Variants in PARP1 observed in about 807,000 individuals in gnomAD.
PARP1 encodes poly [ADP-ribose] polymerase 1.
Under a neutral mutation model 118.7 loss-of-function variants are expected in PARP1, and 44 were observed. The observed-to-expected ratio is 0.37, with a 90% CI of 0.29 to 0.48. The LOEUF is 0.48. Ranked by LOEUF, PARP1 falls within the 20% of genes least tolerant of loss-of-function variation. The pLI is 0.99. For missense variants in PARP1, 1,100 were observed against 1,272.4 expected, an observed-to-expected ratio of 0.86 and a Z score of 2.06; for synonymous variants, 492 against 483.2, an observed-to-expected ratio of 1.02 and a Z score of -0.24.
At chr1:226,363,813 G>A in intron 20 of PARP1, 130 bp downstream of exon 20, 2 of 948,478 alleles carry the variant, frequency 2.1e-6, no homozygotes, top group Non-Finnish European at 3.4e-6. Flanking sequence ...TATAAGAAAA[G>A]AATCCTAATT....
intron 11 of PARP1, 85 bp from the exon 12 acceptor site, chr1:226,379,359 T>C (rs975610407): frequency 5.2e-6 from 8 of 1,537,534 alleles, no homozygotes; most frequent in Non-Finnish European, 7.2e-6. Flanking sequence ...AGGCCTGAGG[T>C]TCACGCCTCT....
At chr1:226,392,549 T>A (rs1664840092) in intron 2 of PARP1, 1 of 570,466 alleles carries the variant, frequency 1.8e-6, no homozygotes, top group African/African-American at 1.9e-5. Context: ...GAGCAGCATA[T>A]CAGGGGGTGG....
chr1:226,400,889 G>C (rs1034625442), intron 2 of PARP1, among the ~76,000 whole-genome samples: 1 of 152,234 alleles, frequency 6.6e-6, no homozygotes, highest in African/African-American at 2.4e-5. Flanking sequence ...AAGGACTTGC[G>C]TGAGGGCATC....
Position 226,379,637 on chromosome 1 carries a change from G to A in PARP1, c.1548C>T (p.Ile516=), listed in dbSNP as rs1664566056. The A allele has an allele frequency of 1.2e-6, 2 of 1,607,072 alleles. No individual in the cohort carries two copies. Residue 516 remains isoleucine (I), a synonymous_variant, in exon 11 of 23, where the codon ATC becomes ATT. Transcript: ENST00000366794. ...ATTTCATTCTCTTTTCAGATTTGTT[G>A]ATACCTTGGAGGAGAACAGAAAAAT... ...KSKGQVKEEG[I]NKSEKRMKLT... is the part of the protein sequence containing the mutation.
chr1:226,365,785 C>A (rs146042055), intron 18 of PARP1, among the ~76,000 whole-genome samples, 169 bp downstream of exon 18: 120,612 of 147,946 alleles, frequency 0.82, 49,527 homozygotes, highest in South Asian at 0.89. Context: ...AAACAAAAAA[C>A]AAACAAACAA....
intron 20 of PARP1, 111 bp from the exon 21 acceptor site, chr1:226,363,271 A>C: frequency 1.2e-6 from 1 of 805,132 alleles, no homozygotes; most frequent in Non-Finnish European, 2.2e-6. Flanking sequence ...AGTCCACAAA[A>C]CCCAGACCAT....
chr1:226,395,874 G>C (rs1387143760), intron 2 of PARP1, among the ~76,000 whole-genome samples: 1 of 152,216 alleles, frequency 6.6e-6, no homozygotes, highest in Non-Finnish European at 1.5e-5. Context: ...TGCTAGAGTT[G>C]TCAACTTCAC....
chr1:226,407,270 T>G (rs1261780914), intron 1 of PARP1, among the ~76,000 whole-genome samples: 1 of 151,990 alleles, frequency 6.6e-6, no homozygotes, highest in Non-Finnish European at 1.5e-5. Context: ...GTGAATGTAC[T>G]GTACAGAAAT....
chr1:226,379,656 G>GA lies in PARP1; in HGVS notation c.1544-16dup. 1.9e-6 allele frequency: 3 copies of GA among 1,590,330 alleles called. No homozygotes were observed. Among genetic ancestry groups the GA allele is most frequent in the Non-Finnish European group, 2.6e-6 (3 of 1,160,516 alleles). On this transcript the variant is annotated splice_polypyrimidine_tract_variant and intron_variant, in intron 10 of 22. Transcript: ENST00000366794. Reference sequence around the variant, plus strand: ...TTTGTTGATACCTTGGAGGAGAACAGAAAAATGTAAACATGAAGTTAAATG... The same window carrying GA: ...TTTGTTGATACCTTGGAGGAGAACAGAAAAAATGTAAACATGAAGTTAAATG...
chr1:226,369,852 G>A (rs1231542559), intron 15 of PARP1, among the ~76,000 whole-genome samples: 2 of 152,090 alleles, frequency 1.3e-5, no homozygotes, highest in Non-Finnish European at 2.9e-5. Context: ...AGCTACTTGG[G>A]AGTCTGAGGC....
intron 17 of PARP1, chr1:226,367,096 G>A (rs1420031732): frequency 1.3e-5 from 4 of 302,490 alleles, no homozygotes. Context: ...ATGGACACCG[G>A]TAATAAGTCT....
At chr1:226,372,447 G>A (rs1202325607) in intron 14 of PARP1, among the ~76,000 whole-genome samples, 1 of 152,206 alleles carries the variant, frequency 6.6e-6, no homozygotes, top group African/African-American at 2.4e-5. Context: ...TGAGGCAGGT[G>A]GATCATCTGA....
chr1:226,396,264 T>G (rs1227053858), intron 2 of PARP1, among the ~76,000 whole-genome samples: 1 of 152,024 alleles, frequency 6.6e-6, no homozygotes, highest in Non-Finnish European at 1.5e-5. Context: ...AAGAATCGCC[T>G]GAACCCGGGA....
At position 226,380,043 on chromosome 1, in the gene PARP1, T is replaced by C. The variant is rs1223152991; in HGVS notation, c.1422A>G (p.Leu474=). 1.2e-6 allele frequency: 2 copies of C among 1,614,070 alleles called. No homozygotes were observed. The highest frequency in any genetic ancestry group is 1.7e-6 in the Non-Finnish European group (2 of 1,180,040). ...ASTKSLQELF[L]AHILSPWGAE... Reference sequence around the variant, plus strand: ...CCCCCCAAGGGGACAAGATGTGCGCTAAGAACAACTCCTGAAGGCTCTTGG... The same window carrying C: ...CCCCCCAAGGGGACAAGATGTGCGCCAAGAACAACTCCTGAAGGCTCTTGG... The change falls in exon 10 of 23, where the codon TTA becomes TTG. Residue 474 remains leucine (L), a synonymous_variant. Transcript: ENST00000366794.
intron 2 of PARP1, among the ~76,000 whole-genome samples, chr1:226,393,883 C>T (rs1001795959): frequency 3.3e-5 from 5 of 152,148 alleles, no homozygotes; most frequent in African/African-American, 4.8e-5. Context: ...ACCAAAGACA[C>T]ACCACAAATG....
At chr1:226,393,001 A>C (rs1576400838) in intron 2 of PARP1, 2 of 1,528,182 alleles carry the variant, frequency 1.3e-6, no homozygotes, top group Non-Finnish European at 1.7e-6. Context: ...CATTAAGGAA[A>C]GAAAAAGAAA....
intron 12 of PARP1, among the ~76,000 whole-genome samples, chr1:226,377,757 A>G (rs930984226): frequency 6.6e-6 from 1 of 152,206 alleles, no homozygotes; most frequent in Admixed American, 6.5e-5. Context: ...ATGGCTCCTC[A>G]GGTCCGGTGA....
rs771934563 is a variant in PARP1 at position 226,407,881 on chromosome 1, C to G, written c.49G>C (p.Gly17Arg). ...CTGCATTTCTTGCAAGAGGCGCGCC[C>G]GCTCTTGGCGTACTCGACTCGATAG... ...KLYRVEYAKS[G>R]RASCKKCSES... Residue 17 changes from glycine to arginine, a missense_variant, in exon 1 of 23, where the codon GGG (glycine) becomes CGG (arginine). Around this residue, in one of 2 missense-constraint regions of PARP1, gnomAD observed 948 missense variants for 1,031.8 expected, o/e 0.92. Transcript: ENST00000366794. 1.2e-6 allele frequency: 2 copies of G among 1,611,632 alleles called. No individual in the cohort carries two copies. The highest frequency in any genetic ancestry group is 1.7e-6 in the Non-Finnish European group (2 of 1,178,844).
chr1:226,387,354 A>T (rs1664735083), intron 5 of PARP1, among the ~76,000 whole-genome samples: 1 of 152,190 alleles, frequency 6.6e-6, no homozygotes, highest in Non-Finnish European at 1.5e-5. Context: ...TTAAAGGCTG[A>T]GGTAAGTCTC....
Sources: allele counts gnomAD v4.1 joint callset (sites outside exome capture counted in the v4.1 genomes callset), GRCh38; gene constraint gnomAD v4.1.1; regional missense constraint gnomAD v4.1.1; transcripts MANE v1.5; gene names NCBI Gene and HGNC (gene_info 2026-07-23, HGNC 2026-07-21).